The following DNAJC13 variants were observed in gnomAD, a reference collection of about 807,000 sequenced individuals.
DNAJC13 encodes dnaJ homolog subfamily C member 13.
A neutral mutation model predicts 290.5 loss-of-function variants in DNAJC13; 75 were observed. The ratio of observed to expected loss-of-function variants is 0.26; its 90% CI spans 0.21 to 0.31. The LOEUF (loss-of-function observed/expected upper bound fraction) is 0.31. Among genes scored for constraint, DNAJC13 ranks in the 10% least tolerant of loss-of-function variants. DNAJC13 has a pLI of 1.00. For synonymous variants in DNAJC13, 862 were observed against 892.0 expected, an observed-to-expected ratio of 0.97 and a Z score of 0.60; for missense variants, 2,260 against 2,674.5, an observed-to-expected ratio of 0.85 and a Z score of 3.42.
At chr3:132,448,669 T>C (rs1933327260) in intron 5 of DNAJC13, among the ~76,000 whole-genome samples, 2 of 152,186 alleles carry the variant, frequency 1.3e-5, no homozygotes, top group African/African-American at 4.8e-5. Flanking sequence ...AGGAACTGAA[T>C]TCTGATATGC....
At chr3:132,495,662 C>T (rs1257388361) in intron 35 of DNAJC13, among the ~76,000 whole-genome samples, 4 of 152,006 alleles carry the variant, frequency 2.6e-5, no homozygotes, top group South Asian at 4.1e-4. Context: ...GATGAAATCA[C>T]GTAAGAACCA....
At chr3:132,418,499 G>A (rs897116136) in intron 1 of DNAJC13, among the ~76,000 whole-genome samples, 1 of 152,110 alleles carries the variant, frequency 6.6e-6, no homozygotes, top group Non-Finnish European at 1.5e-5. Context: ...TTTGTCTTAA[G>A]ATTGTTTCCT....
Position 132,453,287 on chromosome 3 carries a change from A to C in DNAJC13, c.538-11A>C. The C allele has an allele frequency of 6.2e-7, 1 of 1,610,184 alleles. No homozygotes were observed. The highest frequency in any genetic ancestry group is 8.5e-7 in the Non-Finnish European group (1 of 1,178,194). ...TCAACTCTGACTTTTTAAATTTCTA[A>C]ATTTGTGCAGCATTTATTTGCGTCA... is the stretch of plus-strand genomic sequence containing the variant. On this transcript the variant is annotated splice_polypyrimidine_tract_variant and intron_variant, in intron 6 of 55. Coordinates refer to ENST00000260818, the MANE Select transcript of DNAJC13 (RefSeq NM_015268.4).
At chr3:132,424,447 CA>C in intron 1 of DNAJC13, among the ~76,000 whole-genome samples, 1 of 152,222 alleles carries the variant, frequency 6.6e-6, no homozygotes, top group Non-Finnish European at 1.5e-5. Flanking sequence ...CCCCTCCTCC[CA>C]TTAAGTGTTT....
intron 35 of DNAJC13, among the ~76,000 whole-genome samples, chr3:132,495,400 A>G (rs551134553): frequency 2.6e-5 from 4 of 152,218 alleles, no homozygotes; most frequent in Admixed American, 2.0e-4. Flanking sequence ...GTGTCTCCTT[A>G]TCCATGTCTG....
At chr3:132,418,391 C>A (rs989919788) in intron 1 of DNAJC13, among the ~76,000 whole-genome samples, 3 of 152,148 alleles carry the variant, frequency 2.0e-5, no homozygotes, top group Non-Finnish European at 4.4e-5. Flanking sequence ...AGGACTTAGA[C>A]GCTCAGTGAA....
chr3:132,438,624 C>A (rs1475202926), intron 2 of DNAJC13, among the ~76,000 whole-genome samples: 1 of 152,124 alleles, frequency 6.6e-6, no homozygotes, highest in African/African-American at 2.4e-5. Context: ...AATATTTTTT[C>A]TTCTCTTCAT....
intron 46 of DNAJC13, 148 bp from the exon 47 acceptor site, chr3:132,516,274 A>G (rs564544439): frequency 5.4e-6 from 4 of 734,696 alleles, no homozygotes; most frequent in African/African-American, 5.3e-5. Flanking sequence ...TAACATGGCC[A>G]TGAAAATACC....
chr3:132,530,955 A>G (rs1936395967), intron 54 of DNAJC13, 43 bp from the exon 55 acceptor site: 1 of 1,557,214 alleles, frequency 6.4e-7, no homozygotes, highest in Admixed American at 1.7e-5. Flanking sequence ...TCCAACATCC[A>G]GTCCTTGATT....
chr3:132,537,256 C>G, intron 55 of DNAJC13: 1 of 456,122 alleles, frequency 2.2e-6, no homozygotes, highest in Non-Finnish European at 4.4e-6. Flanking sequence ...CTGTGTAGCT[C>G]TCTGAAGCAG....
Position 132,488,316 on chromosome 3 carries a change from C to T in DNAJC13, c.3286C>T (p.Pro1096Ser), listed in dbSNP as rs1217703818. 7 of 1,610,408 alleles carry T rather than the reference C, an allele frequency of 4.3e-6. No individual in the cohort carries two copies. Among genetic ancestry groups the T allele is most frequent in the East Asian group, 2.2e-5 (1 of 44,794 alleles). ...HIIQLLLTFD[P>S]ILVEKVAILL... ...TTTTCAGCTACTGCTGACCTTTGAC[C>T]CTATCCTTGTTGAGAAGGTTGCTAT... Residue 1096 changes from proline (P) to serine (S), a missense_variant, in exon 30 of 56, where the codon CCT becomes TCT. Transcript: ENST00000260818.
intron 22 of DNAJC13, among the ~76,000 whole-genome samples, chr3:132,475,438 ATT>A (rs200888538): frequency 2.0e-5 from 3 of 146,708 alleles, no homozygotes; most frequent in African/African-American, 7.6e-5. Context: ...AACTTGTTTG[ATT>A]TTTTTTTGTG....
chr3:132,440,233 G>A (rs1331287500), intron 2 of DNAJC13, among the ~76,000 whole-genome samples: 1 of 152,178 alleles, frequency 6.6e-6, no homozygotes, highest in Non-Finnish European at 1.5e-5. Flanking sequence ...CTCCATCTTG[G>A]GCAATGGAGC....
At chr3:132,438,774 C>T (rs185788287) in intron 2 of DNAJC13, among the ~76,000 whole-genome samples, 83 of 152,286 alleles carry the variant, frequency 5.5e-4, no homozygotes, top group African/African-American at 1.9e-3. Context: ...TGTTGATCAT[C>T]GGTATGGATG....
chr3:132,480,558 T>A, intron 26 of DNAJC13, 88 bp downstream of exon 26: 1 of 977,638 alleles, frequency 1.0e-6, no homozygotes, highest in Non-Finnish European at 1.6e-6. Flanking sequence ...TGAAAAGATG[T>A]GGTCACACAC....
At chr3:132,514,777 T>G in intron 46 of DNAJC13, 107 bp downstream of exon 46, 1 of 776,512 alleles carries the variant, frequency 1.3e-6, no homozygotes, top group Non-Finnish European at 2.1e-6. Context: ...TATGTTTAGT[T>G]TTAAAGTGTT....
chr3:132,478,885 T>C (rs1934564494), intron 24 of DNAJC13, among the ~76,000 whole-genome samples: 1 of 152,248 alleles, frequency 6.6e-6, no homozygotes, highest in Admixed American at 6.5e-5. Context: ...ATACTTTCTT[T>C]TGTGTTTACA....
chr3:132,506,206 C>T (rs1405990978), intron 42 of DNAJC13, among the ~76,000 whole-genome samples: 1 of 151,272 alleles, frequency 6.6e-6, no homozygotes, highest in East Asian at 2.0e-4. Context: ...GCATGCACCA[C>T]CATGCCTGGC....
chr3:132,432,500 C>T (rs1485025643), intron 1 of DNAJC13, among the ~76,000 whole-genome samples: 15 of 152,074 alleles, frequency 9.9e-5, no homozygotes, highest in African/African-American at 3.4e-4. Flanking sequence ...CCACCGCTCC[C>T]GGCCTCTACA....
Sources: allele counts gnomAD v4.1 joint callset (sites outside exome capture counted in the v4.1 genomes callset), GRCh38; gene constraint gnomAD v4.1.1; transcripts MANE v1.5; gene names NCBI Gene and HGNC (gene_info 2026-07-23, HGNC 2026-07-21).